Variants in MKLN1 observed in about 807,000 individuals in gnomAD.
MKLN1 encodes the protein muskelin 1.
MKLN1 carries 18 observed loss-of-function variants against 99.0 expected under a neutral mutation model. The observed-to-expected ratio is 0.18, with a 90% CI of 0.13 to 0.27. The LOEUF is 0.27. MKLN1 is among the 10% of genes least tolerant of loss of function. MKLN1 has a pLI of 1.00. For synonymous variants in MKLN1, 288 were observed against 293.2 expected (o/e 0.98, Z 0.18); for missense variants, 621 against 875.9 (o/e 0.71, Z 3.67).
chr7:131,316,362 C>T (rs184201395), intron 3 of MKLN1, among the ~76,000 whole-genome samples: 4 of 152,276 alleles, frequency 2.6e-5, no homozygotes, highest in Admixed American at 2.0e-4. Context: ...AGAAGAGGGG[C>T]CTGACTGTTA....
chr7:131,283,570 G>T (rs1355797915), intron 3 of MKLN1, among the ~76,000 whole-genome samples: 1 of 151,598 alleles, frequency 6.6e-6, no homozygotes. Flanking sequence ...GAGTAGCTGG[G>T]ACTACAGGCA....
intron 5 of MKLN1, among the ~76,000 whole-genome samples, chr7:131,398,379 G>A (rs1794423307): frequency 6.6e-6 from 1 of 152,066 alleles, no homozygotes; most frequent in African/African-American, 2.4e-5. Context: ...CTTAATAGAT[G>A]AGGTAGTTCA....
chr7:131,135,311 CG>C (rs1795632291), intron 1 of MKLN1, among the ~76,000 whole-genome samples: 1 of 152,090 alleles, frequency 6.6e-6, no homozygotes, highest in Non-Finnish European at 1.5e-5. Flanking sequence ...TTAGTAGAGA[CG>C]GGGTTTCACC....
chr7:131,437,658 G>A (rs1795712314), intron 9 of MKLN1, 127 bp from the exon 10 acceptor site: 3 of 708,426 alleles, frequency 4.2e-6, no homozygotes, highest in Non-Finnish European at 6.9e-6. Flanking sequence ...TTGACTTGAT[G>A]TGAGTTTCTG....
intron 3 of MKLN1, among the ~76,000 whole-genome samples, chr7:131,226,903 A>T (rs962144075): frequency 1.3e-5 from 2 of 152,086 alleles, no homozygotes; most frequent in African/African-American, 4.8e-5. Flanking sequence ...TCTGCTTTGT[A>T]TACCTTGTGT....
intron 1 of MKLN1, 139 bp downstream of exon 1, chr7:131,328,136 G>T: frequency 2.8e-6 from 3 of 1,065,840 alleles, no homozygotes; most frequent in Non-Finnish European, 4.0e-6. Context: ...CGGAGTCTTA[G>T]TTCAGCTGCT....
At chr7:131,355,384 G>A (rs749826574) in intron 1 of MKLN1, among the ~76,000 whole-genome samples, 3 of 151,788 alleles carry the variant, frequency 2.0e-5, no homozygotes, top group African/African-American at 7.3e-5. Flanking sequence ...GTATTTTTAT[G>A]ATGAGTCTTT....
intron 11 of MKLN1, among the ~76,000 whole-genome samples, chr7:131,445,563 A>G (rs962048914): frequency 7.2e-5 from 11 of 152,054 alleles, no homozygotes; most frequent in African/African-American, 2.7e-4. Flanking sequence ...ATTATTCTGC[A>G]CCTTGCTTTT....
chr7:131,410,836 A>G (rs1377401470), intron 6 of MKLN1, among the ~76,000 whole-genome samples: 1 of 152,148 alleles, frequency 6.6e-6, no homozygotes, highest in Non-Finnish European at 1.5e-5. Flanking sequence ...GATATATAAG[A>G]TCTTTTTTCA....
intron 2 of MKLN1, among the ~76,000 whole-genome samples, chr7:131,153,664 G>GTTTTTTT (rs11464377): frequency 2.2e-5 from 3 of 139,524 alleles, no homozygotes; most frequent in African/African-American, 5.4e-5. Flanking sequence ...GTTTTTTTTG[G>GTTTTTTT]TTTTTTTTTT....
intron 6 of MKLN1, among the ~76,000 whole-genome samples, chr7:131,408,063 T>C (rs1794761282): frequency 6.6e-6 from 1 of 152,148 alleles, no homozygotes; most frequent in Non-Finnish European, 1.5e-5. Flanking sequence ...CATACTTACC[T>C]TCTAGGTTAA....
chr7:131,332,155 G>C (rs117047273), intron 1 of MKLN1, among the ~76,000 whole-genome samples: 3,934 of 151,770 alleles, frequency 0.026, 69 homozygotes, highest in Non-Finnish European at 0.042. Context: ...ATGAATATAG[G>C]CTAGGCACGG....
intron 10 of MKLN1, among the ~76,000 whole-genome samples, chr7:131,441,627 G>A (rs1449211252): frequency 1.3e-5 from 2 of 152,092 alleles, no homozygotes; most frequent in East Asian, 1.9e-4. Context: ...CGTGGAAATC[G>A]AATATTAAAA....
intron 1 of MKLN1, among the ~76,000 whole-genome samples, chr7:131,351,867 A>G (rs765674398): frequency 1.3e-5 from 2 of 152,198 alleles, no homozygotes; most frequent in Non-Finnish European, 2.9e-5. Flanking sequence ...AAGATAACTC[A>G]TTGTTAGAAT....
rs745731135 is a variant in MKLN1 at position 131,490,095 on chromosome 7, T to G, written c.*2367T>G. ...AGATTGACATGTTGCTCACAACATG[T>G]CACAATTTAGTGAGGAGCTACATGT... On this transcript the variant is annotated 3_prime_UTR_variant, in exon 18 of 18. Transcript: ENST00000352689. 6.6e-6 allele frequency: 1 copy of G among 152,596 alleles called. No homozygotes were observed. Among genetic ancestry groups the G allele is most frequent in the Non-Finnish European group, 1.5e-5 (1 of 68,030 alleles). The allele number at this position is 152,596 out of a possible 1,614,324, so 9.5% of individuals were successfully genotyped here. A position where few individuals can be genotyped will look rare whatever the true frequency, so the allele number is the denominator to read the frequency against.
chr7:131,209,155 T>G (rs1031156577), intron 3 of MKLN1, among the ~76,000 whole-genome samples: 1 of 152,160 alleles, frequency 6.6e-6, no homozygotes, highest in Non-Finnish European at 1.5e-5. Flanking sequence ...TGGCTGGAAC[T>G]CAGTGGCAAA....
intron 1 of MKLN1, among the ~76,000 whole-genome samples, chr7:131,345,646 C>T (rs1479825979): frequency 6.6e-6 from 1 of 151,900 alleles, no homozygotes; most frequent in African/African-American, 2.4e-5. Flanking sequence ...CCCAGGAATT[C>T]GAGGCTGCAG....
chr7:131,458,045 G>A (rs1034726691), intron 12 of MKLN1, among the ~76,000 whole-genome samples: 3 of 152,212 alleles, frequency 2.0e-5, no homozygotes, highest in African/African-American at 4.8e-5. Context: ...AAGGGAAAGC[G>A]TTATACCTAA....
intron 4 of MKLN1, 71 bp downstream of exon 4, chr7:131,389,043 C>G (rs1794116514): frequency 2.2e-6 from 2 of 923,154 alleles, no homozygotes; most frequent in Non-Finnish European, 3.3e-6. Flanking sequence ...AGCCCATAGA[C>G]CAAATCCTGC....
Sources: gnomAD v4.1 joint callset for allele counts (sites outside exome capture counted in the v4.1 genomes callset) on GRCh38, gnomAD v4.1.1 for gene constraint, MANE v1.5 for transcripts, NCBI Gene and HGNC (gene_info 2026-07-23, HGNC 2026-07-21) for gene names.